MEGF11: variants seen among roughly 807,000 people sequenced by gnomAD.
MEGF11 encodes multiple epidermal growth factor-like domains protein 11.
Under a neutral mutation model 146.6 loss-of-function variants are expected in MEGF11, and 126 were observed. The observed-to-expected ratio is 0.86, with a 90% CI of 0.74 to 1.00. The LOEUF (loss-of-function observed/expected upper bound fraction) is 1.00. Among genes scored for constraint, MEGF11 ranks in the 50% least tolerant of loss-of-function variants. The pLI is 0.00. For synonymous variants in MEGF11, 532 were observed against 583.4 expected, an observed-to-expected ratio of 0.91 and a Z score of 1.27; for missense variants, 1,509 against 1,521.2, an observed-to-expected ratio of 0.99 and a Z score of 0.13.
chr15:66,005,197 T>A (rs1367104632), intron 5 of MEGF11, among the ~76,000 whole-genome samples: 2 of 152,240 alleles, frequency 1.3e-5, no homozygotes, highest in Non-Finnish European at 2.9e-5. Flanking sequence ...CTCCTGAAAC[T>A]TCTTCTCCCA....
intron 1 of MEGF11, among the ~76,000 whole-genome samples, chr15:66,211,434 A>G (rs28671402): frequency 0.19 from 28,700 of 151,812 alleles, 3,364 homozygotes; most frequent in Middle Eastern, 0.32. Flanking sequence ...TGAGGCAGGA[A>G]AATGGCGTGA....
At chr15:65,965,612 TC>T (rs66943225) in intron 8 of MEGF11, among the ~76,000 whole-genome samples, 1,813 of 52,928 alleles carry the variant, frequency 0.034, 146 homozygotes, top group South Asian at 0.063. Flanking sequence ...TTTTTTTTTT[TC>T]TTTTTTTTTT....
At chr15:66,147,535 C>A (rs2089418644) in intron 1 of MEGF11, among the ~76,000 whole-genome samples, 1 of 152,150 alleles carries the variant, frequency 6.6e-6, no homozygotes, top group Non-Finnish European at 1.5e-5. Flanking sequence ...GGAACACTGG[C>A]CAGAGGAAGG....
At chr15:66,178,834 T>C (rs1871002) in intron 1 of MEGF11, among the ~76,000 whole-genome samples, 120,861 of 151,864 alleles carry the variant, frequency 0.8, 48,621 homozygotes, top group African/African-American at 0.91. Context: ...CAAGAAGAAG[T>C]GATTCGGAAA....
chr15:66,186,334 C>T (rs934247222), intron 1 of MEGF11, among the ~76,000 whole-genome samples: 1 of 152,056 alleles, frequency 6.6e-6, no homozygotes, highest in African/African-American at 2.4e-5. Flanking sequence ...GTCTGTCTGC[C>T]CCGGGACTGG....
At chr15:66,044,977 G>T (rs868258394) in intron 5 of MEGF11, among the ~76,000 whole-genome samples, 1 of 151,952 alleles carries the variant, frequency 6.6e-6, no homozygotes, top group African/African-American at 2.4e-5. Context: ...TCTTAGCAGT[G>T]CCCTGCAGCA....
At chr15:65,959,528 A>G (rs566047928) in intron 9 of MEGF11, among the ~76,000 whole-genome samples, 4 of 152,218 alleles carry the variant, frequency 2.6e-5, no homozygotes, top group South Asian at 2.1e-4. Flanking sequence ...CTGAGGCTAC[A>G]TATCAGGAGA....
At chr15:65,981,956 C>G (rs998198973) in intron 6 of MEGF11, among the ~76,000 whole-genome samples, 44 of 152,306 alleles carry the variant, frequency 2.9e-4, no homozygotes, top group Non-Finnish European at 5.9e-4. Flanking sequence ...CGGGCAGTCT[C>G]AGGAAGGACC....
At chr15:66,100,144 C>A (rs1182892346) in intron 4 of MEGF11, among the ~76,000 whole-genome samples, 1 of 152,218 alleles carries the variant, frequency 6.6e-6, no homozygotes, top group Non-Finnish European at 1.5e-5. Flanking sequence ...CCCATTCATG[C>A]AGTACCATGT....
intron 5 of MEGF11, among the ~76,000 whole-genome samples, chr15:66,052,628 G>A (rs755073677): frequency 1.1e-4 from 17 of 152,258 alleles, no homozygotes; most frequent in Admixed American, 4.6e-4. Context: ...AGCAGAGAGG[G>A]CTAGGAGAAG....
At chr15:66,034,235 G>A (rs1303291423) in intron 5 of MEGF11, among the ~76,000 whole-genome samples, 4 of 152,168 alleles carry the variant, frequency 2.6e-5, no homozygotes, top group Non-Finnish European at 5.9e-5. Flanking sequence ...ACCTCAAGAT[G>A]AAATGTGCCT....
At chr15:66,196,283 C>T (rs2091007659) in intron 1 of MEGF11, among the ~76,000 whole-genome samples, 1 of 152,014 alleles carries the variant, frequency 6.6e-6, no homozygotes, top group African/African-American at 2.4e-5. Flanking sequence ...TCCAGCCTGG[C>T]CAACATGCAA....
At chr15:66,163,101 G>A (rs779160965) in intron 1 of MEGF11, among the ~76,000 whole-genome samples, 1 of 152,132 alleles carries the variant, frequency 6.6e-6, no homozygotes, top group Non-Finnish European at 1.5e-5. Flanking sequence ...GCTGAGGCCT[G>A]CAACCCCCAA....
chr15:66,250,077 T>G (rs2092350155), intron 1 of MEGF11, among the ~76,000 whole-genome samples: 1 of 152,176 alleles, frequency 6.6e-6, no homozygotes, highest in African/African-American at 2.4e-5. Flanking sequence ...TGCTGGAATT[T>G]AAGAGGGACA....
At position 66,069,145 on chromosome 15, in the gene MEGF11, G is replaced by A. The variant is rs112394275; in HGVS notation, c.394+25257C>T. On this transcript the variant is annotated intron_variant, in intron 5 of 25. Coordinates refer to ENST00000395614, the MANE Select transcript of MEGF11 (RefSeq NM_001385028.1). ...ATGGTGCAAAAGTAATTGCAGTTTT[G>A]CCATTAAAAGTAATTGCAAAAAAGT... Among the ~76,000 whole-genome samples, 981 of 152,096 alleles carry A rather than the reference G, an allele frequency of 6.4e-3. 12 individuals are homozygous for A. Among genetic ancestry groups the A allele is most frequent in the African/African-American group, 0.023 (938 of 41,454 alleles).
chr15:66,235,333 C>A (rs1474059334), intron 1 of MEGF11, among the ~76,000 whole-genome samples: 2 of 151,956 alleles, frequency 1.3e-5, no homozygotes. Flanking sequence ...GAGACCTCAT[C>A]TCTATAAAAA....
chr15:65,898,318 C>G (rs1165501747), intron 25 of MEGF11: 1 of 985,348 alleles, frequency 1.0e-6, no homozygotes, highest in Non-Finnish European at 1.2e-6. Context: ...TTAAAATATC[C>G]TAGAGGTAGG....
At chr15:66,179,019 A>G (rs931585272) in intron 1 of MEGF11, among the ~76,000 whole-genome samples, 3 of 152,204 alleles carry the variant, frequency 2.0e-5, no homozygotes, top group African/African-American at 7.2e-5. Flanking sequence ...GCCAGTGTCT[A>G]CTGCTGCTAA....
At position 65,909,138 on chromosome 15, in the gene MEGF11, A is replaced by G. The variant is rs1204886075; in HGVS notation, c.2897-3T>C. ...GGCACTGATCTGGAAATGGGAGTCTAGTGAGAGGAATGACAGGGAGGAGCC... is the reference window on the plus strand; with the variant it reads ...GGCACTGATCTGGAAATGGGAGTCTGGTGAGAGGAATGACAGGGAGGAGCC... On this transcript the variant is annotated splice_region_variant and splice_polypyrimidine_tract_variant and intron_variant, in intron 22 of 25. Transcript: ENST00000395614. The G allele has an allele frequency of 6.6e-7, 1 of 1,523,578 alleles. No individual in the cohort carries two copies. Among genetic ancestry groups the G allele is most frequent in the Non-Finnish European group, 8.8e-7 (1 of 1,135,732 alleles). 94.4% of individuals were successfully genotyped at this position (1,523,578 alleles called of 1,614,324 possible). A position where few individuals can be genotyped will look rare whatever the true frequency, so the allele number is the denominator to read the frequency against.
Sources: allele counts gnomAD v4.1 joint callset (sites outside exome capture counted in the v4.1 genomes callset), GRCh38; gene constraint gnomAD v4.1.1; transcripts MANE v1.5; gene names NCBI Gene and HGNC (gene_info 2026-07-23, HGNC 2026-07-21).